The following DNAH11 variants were observed in gnomAD, a reference collection of about 807,000 sequenced individuals.
The protein encoded by DNAH11 is dynein axonemal heavy chain 11, also known as axonemal beta dynein heavy chain 11.
DNAH11 carries 442 observed loss-of-function variants against 526.0 expected under a neutral mutation model. The ratio of observed to expected loss-of-function variants is 0.84; its 90% confidence interval spans 0.78 to 0.91. The LOEUF (loss-of-function observed/expected upper bound fraction) is 0.91. Ranked by LOEUF, DNAH11 falls within the 40% of genes least tolerant of loss-of-function variation. The probability of loss-of-function intolerance (pLI) is 0.00; values close to 1 mark genes in which losing one functional copy is unlikely to be tolerated. For synonymous variants in DNAH11, 2,461 were observed against 1,935.9 expected (o/e 1.27, Z -7.12); for missense variants, 6,989 against 5,448.7 (o/e 1.28, Z -8.90).
At chr7:21,732,265 A>G (rs1421746339) in intron 45 of DNAH11, among the ~76,000 whole-genome samples, 5 of 152,086 alleles carry the variant, frequency 3.3e-5, no homozygotes. Flanking sequence ...GCATCCTCAC[A>G]TGGCTTTTCT....
chr7:21,633,355 TTCTC>T (rs755448386), intron 25 of DNAH11, among the ~76,000 whole-genome samples: 3 of 152,358 alleles, frequency 2.0e-5, no homozygotes, highest in East Asian at 1.9e-4. Context: ...AGTCCACTGT[TTCTC>T]TCTTGATTTT....
chr7:21,856,885 G>A (rs972545251), intron 68 of DNAH11, among the ~76,000 whole-genome samples: 2 of 152,124 alleles, frequency 1.3e-5, no homozygotes, highest in African/African-American at 4.8e-5. Context: ...TATACTTAAT[G>A]TTGAAAATGG....
chr7:21,569,482 C>T (rs970355568), intron 6 of DNAH11, among the ~76,000 whole-genome samples: 3 of 152,064 alleles, frequency 2.0e-5, no homozygotes, highest in African/African-American at 7.2e-5. Context: ...TTCTTTTATC[C>T]TTCTCCTCTC....
At chr7:21,597,044 A>G (rs1325328472) in intron 14 of DNAH11, among the ~76,000 whole-genome samples, 1 of 152,196 alleles carries the variant, frequency 6.6e-6, no homozygotes, top group East Asian at 1.9e-4. Context: ...TGCATGCTGC[A>G]TGTTTTCTGG....
intron 76 of DNAH11, among the ~76,000 whole-genome samples, chr7:21,888,177 T>C (rs1042418224): frequency 7.9e-5 from 12 of 152,198 alleles, no homozygotes; most frequent in African/African-American, 2.9e-4. Flanking sequence ...CTTTTCATTC[T>C]CAAGACACCA....
At chr7:21,635,542 C>T (rs1366710867) in intron 25 of DNAH11, among the ~76,000 whole-genome samples, 6 of 152,268 alleles carry the variant, frequency 3.9e-5, no homozygotes, top group Admixed American at 2.0e-4. Flanking sequence ...TGAAAGAATA[C>T]AGTTTAATTC....
chr7:21,644,670 A>G (rs755980699), intron 28 of DNAH11, among the ~76,000 whole-genome samples: 19 of 152,188 alleles, frequency 1.2e-4, no homozygotes, highest in Non-Finnish European at 2.2e-4. Flanking sequence ...CATTGGCTCT[A>G]TTTACCTGCA....
rs391273 is a variant in DNAH11 at position 21,698,455 on chromosome 7, T to G, written c.6180+242T>G. 0.17 allele frequency among the ~76,000 whole-genome samples: 26,232 copies of G among 152,110 alleles called. 2,932 individuals carry two copies. The highest frequency in any genetic ancestry group is 0.25 in the Non-Finnish European group (17,067 of 67,944). The stretch of plus-strand genomic sequence containing the variant: ...ACACAGTACCCAGTGTGTAGTCTTT[T>G]ATCCCTCACCCACCTCCCACCTTTT... On this transcript the variant is annotated intron_variant, in intron 36 of 81. Coordinates refer to ENST00000409508, the MANE Select transcript of DNAH11 (RefSeq NM_001277115.2).
chr7:21,637,763 T>C (rs1265424969), intron 27 of DNAH11, 61 bp downstream of exon 27: 1 of 1,027,224 alleles, frequency 9.7e-7, no homozygotes, highest in Non-Finnish European at 1.4e-6. Flanking sequence ...CTTTTTCACA[T>C]ACCTAATAGT....
In DNAH11 at chr7:21,786,756, T is replaced by C. The variant is rs780779769; in HGVS notation, c.9730T>C (p.Phe3244Leu). Reference sequence around the variant, plus strand: ...CCGAAGTTGGAAAGCAGCTAAAGTCTTCATGGGAAAGGTATCAGCCCAGCC... The same window carrying C: ...CCGAAGTTGGAAAGCAGCTAAAGTCCTCATGGGAAAGGTATCAGCCCAGCC... ...KDRSWKAAKV[F>L]MGKVDDFLQA... The change falls in exon 59 of 82, where the codon TTC becomes CTC. Residue 3244 changes from phenylalanine (F) to leucine (L), a missense_variant. Phe to Leu is a conservative substitution (Grantham distance 22). Transcript: ENST00000409508. 1 of 1,613,744 alleles carries C rather than the reference T, an allele frequency of 6.2e-7. No homozygotes were observed. Among genetic ancestry groups the C allele is most frequent in the Non-Finnish European group, 8.5e-7 (1 of 1,179,716 alleles).
chr7:21,767,820 TTC>T (rs1266856941), intron 55 of DNAH11, among the ~76,000 whole-genome samples: 1 of 152,184 alleles, frequency 6.6e-6, no homozygotes, highest in Non-Finnish European at 1.5e-5. Context: ...TTTGATCACT[TTC>T]TTAGTTTTAA....
intron 2 of DNAH11, among the ~76,000 whole-genome samples, chr7:21,554,086 G>C (rs983082930): frequency 1.3e-4 from 20 of 151,334 alleles, no homozygotes; most frequent in African/African-American, 3.4e-4. Context: ...ATGCCTTTGA[G>C]ACCTTTTGTG....
chr7:21,557,062 C>CAA (rs59996091), intron 2 of DNAH11, among the ~76,000 whole-genome samples: 23 of 137,312 alleles, frequency 1.7e-4, no homozygotes, highest in East Asian at 1.2e-3. Flanking sequence ...GACTCTGTCT[C>CAA]AAAAAAAAAA....
At chr7:21,588,023 A>G (rs758101330) in intron 9 of DNAH11, 41 bp from the exon 10 acceptor site, 2 of 1,596,900 alleles carry the variant, frequency 1.3e-6, no homozygotes, top group Non-Finnish European at 1.7e-6. Flanking sequence ...TTTGTTAAAA[A>G]CTCATAGTGC....
intron 35 of DNAH11, among the ~76,000 whole-genome samples, chr7:21,695,889 A>C (rs1225416437): frequency 1.3e-5 from 2 of 151,858 alleles, no homozygotes; most frequent in Admixed American, 1.3e-4. Flanking sequence ...TTAAATTTAG[A>C]AGGAAAAAAA....
Position 21,763,393 on chromosome 7 carries a change from A to G in DNAH11, c.8941-2035A>G, listed in dbSNP as rs562633404. ...AGACTTACAAATATCCAACAGGTAT[A>G]GGAAAAGATACACAACATCACTAAT... On this transcript the variant is annotated intron_variant, in intron 54 of 81. Coordinates refer to ENST00000409508, the MANE Select transcript of DNAH11 (RefSeq NM_001277115.2). Among the ~76,000 whole-genome samples the G allele has an allele frequency of 2.0e-5, 3 of 151,962 alleles. No homozygotes were observed. In the South Asian group the frequency reaches 6.3e-4, roughly 32 times the overall value.
At chr7:21,571,644 G>T (rs1459289679) in intron 7 of DNAH11, among the ~76,000 whole-genome samples, 162 bp from the exon 8 acceptor site, 1 of 151,992 alleles carries the variant, frequency 6.6e-6, no homozygotes, top group Non-Finnish European at 1.5e-5. Flanking sequence ...CAATGACTTT[G>T]TTTAATTAAA....
intron 30 of DNAH11, among the ~76,000 whole-genome samples, chr7:21,676,906 A>G (rs144858736): frequency 8.5e-5 from 13 of 152,328 alleles, no homozygotes; most frequent in Middle Eastern, 3.4e-3. Context: ...AGAAACTTGC[A>G]TAGGTATGGG....
Position 21,773,978 on chromosome 7 carries a change from G to A in DNAH11, c.9315G>A (p.Lys3105=). The A allele has an allele frequency of 1.9e-6, 3 of 1,569,426 alleles. No homozygotes were observed. The highest frequency in any genetic ancestry group is 1.9e-5 in the Admixed American group (1 of 52,546). Residue 3105 remains lysine (K), a synonymous_variant, in exon 56 of 82, where the codon AAG becomes AAA. Coordinates refer to ENST00000409508, the MANE Select transcript of DNAH11 (RefSeq NM_001277115.2). The part of the protein sequence containing the change: ...KKERLVNGIQ[K]LKTTASQVGD... ...AACGCCTGGTGAACGGCATCCAAAAGCTAAAAACCACAGCCTCTCAGGTAT... is the reference window on the plus strand; with the variant it reads ...AACGCCTGGTGAACGGCATCCAAAAACTAAAAACCACAGCCTCTCAGGTAT...
Sources: allele counts gnomAD v4.1 joint callset (sites outside exome capture counted in the v4.1 genomes callset), GRCh38; gene constraint gnomAD v4.1.1; transcripts MANE v1.5; gene names NCBI Gene and HGNC (gene_info 2026-07-23, HGNC 2026-07-21).